Variants in RIMBP2 observed in about 807,000 individuals in gnomAD.
RIMBP2 encodes the protein RIMS binding protein 2, also known as RIMS-binding protein 2.
A neutral mutation model predicts 118.6 loss-of-function variants in RIMBP2; 48 were observed. That is an observed-to-expected ratio of 0.40 (90% CI 0.32 to 0.51). The LOEUF (loss-of-function observed/expected upper bound fraction) is 0.51. Among genes scored for constraint, RIMBP2 ranks in the 20% least tolerant of loss-of-function variants. RIMBP2 has a pLI of 0.41. For missense variants in RIMBP2, 1,551 were observed against 1,768.3 expected (o/e 0.88, Z 2.20); for synonymous variants, 762 against 742.9 (o/e 1.03, Z -0.42).
chr12:130,527,099 T>TG (rs1355102308), intron 2 of RIMBP2, among the ~76,000 whole-genome samples: 6 of 152,254 alleles, frequency 3.9e-5, no homozygotes, highest in African/African-American at 1.4e-4. Flanking sequence ...TCCCAGGGTG[T>TG]GGAGGGACCG....
chr12:130,529,246 C>G (rs1420159960), intron 2 of RIMBP2, among the ~76,000 whole-genome samples: 4 of 152,194 alleles, frequency 2.6e-5, no homozygotes, highest in South Asian at 4.2e-4. Flanking sequence ...CAGGAATGAA[C>G]CTCAAAAAAT....
intron 7 of RIMBP2, among the ~76,000 whole-genome samples, chr12:130,454,645 T>A (rs1196773037): frequency 6.6e-6 from 1 of 152,280 alleles, no homozygotes; most frequent in East Asian, 1.9e-4. Flanking sequence ...CAAACCTTCT[T>A]CTCTGCCAGG....
At chr12:130,534,885 C>T (rs751303868) in intron 2 of RIMBP2, among the ~76,000 whole-genome samples, 4 of 152,374 alleles carry the variant, frequency 2.6e-5, no homozygotes, top group Admixed American at 2.6e-4. Context: ...CGGTCTATCA[C>T]TCAGCTCCAG....
chr12:130,561,983 G>A (rs1231435759), intron 2 of RIMBP2, among the ~76,000 whole-genome samples: 1 of 152,048 alleles, frequency 6.6e-6, no homozygotes, highest in Non-Finnish European at 1.5e-5. Context: ...ATAGAAAAGT[G>A]CAGAAAAAAT....
chr12:130,579,514 C>T (rs1048018783), intron 2 of RIMBP2, among the ~76,000 whole-genome samples: 1 of 152,170 alleles, frequency 6.6e-6, no homozygotes, highest in Non-Finnish European at 1.5e-5. Context: ...CCATGCTCTT[C>T]TTCCCTTTGC....
At position 130,543,613 on chromosome 12, in the gene RIMBP2, C is replaced by T. The variant is rs543059149; in HGVS notation, c.-216-25696G>A. 5.9e-5 allele frequency among the ~76,000 whole-genome samples: 9 copies of T among 152,082 alleles called. No homozygotes were observed. The East Asian group carries it at 9.7e-4, about 16-fold the overall frequency. Reference sequence around the variant, plus strand: ...TGAAGATGCCTCACGAGGAATTGGCCGTAGAGAGTGATGAGGGCCACCTCT... The same window carrying T: ...TGAAGATGCCTCACGAGGAATTGGCTGTAGAGAGTGATGAGGGCCACCTCT... On this transcript the variant is annotated intron_variant, in intron 2 of 22. Coordinates refer to ENST00000690449, the MANE Select transcript of RIMBP2 (RefSeq NM_001393629.1).
At chr12:130,407,902 G>C in intron 19 of RIMBP2, 73 bp from the exon 20 acceptor site, 1 of 1,363,890 alleles carries the variant, frequency 7.3e-7, no homozygotes. Context: ...CCCTCCTTCC[G>C]GGTCACACAT....
rs566387697 is a variant in RIMBP2 at position 130,447,565 on chromosome 12, G to A, written c.582-2296C>T. 6.6e-5 allele frequency among the ~76,000 whole-genome samples: 10 copies of A among 152,276 alleles called. No homozygotes were observed. The highest frequency in any genetic ancestry group is 2.4e-4 in the African/African-American group (10 of 41,542). On this transcript the variant is annotated intron_variant, in intron 9 of 22. Coordinates refer to ENST00000690449, the MANE Select transcript of RIMBP2 (RefSeq NM_001393629.1). The surrounding 1 kb of genome is among the most constrained non-coding windows in gnomAD (Gnocchi z 4.4). ...ACGAGGGACAGGTGATCACTGATGG[G>A]AATGGGTTCTTGAGGGGCGATGGGA...
intron 2 of RIMBP2, among the ~76,000 whole-genome samples, chr12:130,594,135 T>C (rs542903449): frequency 6.6e-6 from 1 of 152,362 alleles, no homozygotes; most frequent in East Asian, 1.9e-4. Flanking sequence ...TGTCTTCCTT[T>C]CCTCACTTCA....
intron 2 of RIMBP2, among the ~76,000 whole-genome samples, chr12:130,543,852 C>A (rs1235397654): frequency 6.6e-6 from 1 of 152,150 alleles, no homozygotes; most frequent in Non-Finnish European, 1.5e-5. Flanking sequence ...AATTTAACAG[C>A]AATTTAAGTC....
At position 130,714,076 on chromosome 12, in the gene RIMBP2, G is replaced by C. The variant is rs565209057; in HGVS notation, c.-352+2146C>G. ...CGCCAGGATGCCAGCGCTCACCAAC[G>C]TGTGAGAATCGCTGCTCCAATTAAA... On this transcript the variant is annotated intron_variant, in intron 1 of 22. Transcript: ENST00000690449. Among the ~76,000 whole-genome samples the C allele has an allele frequency of 3.7e-4, 56 of 152,298 alleles. No homozygotes were observed. The South Asian group carries it at 6.4e-3, about 17-fold the overall frequency.
chr12:130,629,258 T>C (rs2140934905), intron 1 of RIMBP2, among the ~76,000 whole-genome samples: 2 of 152,310 alleles, frequency 1.3e-5, no homozygotes, highest in Middle Eastern at 3.4e-3. Flanking sequence ...TCCTAGAACT[T>C]GGAGCTGAAG....
intron 2 of RIMBP2, among the ~76,000 whole-genome samples, chr12:130,618,071 C>T (rs1166742135): frequency 2.2e-4 from 31 of 141,598 alleles, no homozygotes; most frequent in Admixed American, 2.1e-3. Context: ...ATCTAACTCT[C>T]ATAAGAGTCA....
intron 4 of RIMBP2, among the ~76,000 whole-genome samples, chr12:130,494,034 A>G (rs1315070507): frequency 6.6e-6 from 1 of 152,192 alleles, no homozygotes; most frequent in Non-Finnish European, 1.5e-5. Flanking sequence ...TGGGAAAGAC[A>G]AGCGTTGATC....
intron 1 of RIMBP2, among the ~76,000 whole-genome samples, chr12:130,662,419 A>C (rs1219977861): frequency 6.6e-6 from 1 of 152,082 alleles, no homozygotes; most frequent in East Asian, 1.9e-4. Context: ...GCACTTTTGG[A>C]GGTTGAGGCG....
intron 6 of RIMBP2, among the ~76,000 whole-genome samples, chr12:130,464,677 G>A (rs914678391): frequency 2.6e-5 from 4 of 152,326 alleles, no homozygotes; most frequent in African/African-American, 4.8e-5. Context: ...GGCAGAAGAC[G>A]AGGCCAAGAG....
At chr12:130,451,378 C>G in intron 7 of RIMBP2, 38 bp from the exon 8 acceptor site, 2 of 1,573,606 alleles carry the variant, frequency 1.3e-6, no homozygotes, top group Non-Finnish European at 1.7e-6. Context: ...AACAAATATG[C>G]GAATAACATC....
At chr12:130,612,917 C>A (rs979125634) in intron 2 of RIMBP2, among the ~76,000 whole-genome samples, 1 of 145,390 alleles carries the variant, frequency 6.9e-6, no homozygotes, top group African/African-American at 2.5e-5. Context: ...TCCCCCAAGT[C>A]CAGGACCTCC....
At chr12:130,553,674 T>G (rs1949308) in intron 2 of RIMBP2, among the ~76,000 whole-genome samples, 117,001 of 151,646 alleles carry the variant, frequency 0.77, 45,531 homozygotes, top group Non-Finnish European at 0.83. Context: ...AGCCTGGAAG[T>G]TCAAGGCTAC....
Sources: allele counts gnomAD v4.1 joint callset (sites outside exome capture counted in the v4.1 genomes callset), GRCh38; gene constraint gnomAD v4.1.1; non-coding constraint Gnocchi (gnomAD v3.1); transcripts MANE v1.5; gene names NCBI Gene and HGNC (gene_info 2026-07-23, HGNC 2026-07-21).